Variants in MIER3 observed in about 807,000 individuals in gnomAD.
MIER3 encodes the protein mesoderm induction early response protein 3.
MIER3 carries 9 observed loss-of-function variants against 63.2 expected under a neutral mutation model. That is an observed-to-expected ratio of 0.14 (90% CI 0.09 to 0.25). The LOEUF is 0.25. Ranked by LOEUF, MIER3 falls within the 10% of genes least tolerant of loss-of-function variation. The pLI, the probability that MIER3 is intolerant of heterozygous loss-of-function variation, is 1.00. For synonymous variants in MIER3, 205 were observed against 224.9 expected, an observed-to-expected ratio of 0.91 and a Z score of 0.79; for missense variants, 512 against 666.2, an observed-to-expected ratio of 0.77 and a Z score of 2.55.
chr5:56,946,647 A>T (rs948897508), intron 3 of MIER3, among the ~76,000 whole-genome samples: 1 of 152,080 alleles, frequency 6.6e-6, no homozygotes, highest in South Asian at 2.1e-4. Context: ...TTCAGAAATA[A>T]TCTTAGGGCT....
Position 56,925,740 on chromosome 5 carries a change from A to G in MIER3, c.925-1698T>C, listed in dbSNP as rs554266888. Among the ~76,000 whole-genome samples the G allele has an allele frequency of 2.0e-5, 3 of 152,268 alleles. No individual in the cohort carries two copies. The East Asian group carries it at 5.8e-4, about 29-fold the overall frequency. ...AATCCCAGCAAGTTATTTTGTGGGT[A>G]TCAACAAACTAATTTTATATGGAAA... On this transcript the variant is annotated intron_variant, in intron 10 of 12. Transcript: ENST00000381199.
chr5:56,928,853 T>A lies in MIER3; in HGVS notation c.838A>T (p.Thr280Ser), dbSNP rs1750129828. 2 of 1,609,692 alleles carry A rather than the reference T, an allele frequency of 1.2e-6. No homozygotes were observed. Among genetic ancestry groups the A allele is most frequent in the Non-Finnish European group, 1.7e-6 (2 of 1,178,752 alleles). Reference protein sequence around the residue: ...CNGKASQEGMTAWTEEECRSF... With the variant: ...CNGKASQEGMSAWTEEECRSF... ...CGGCATTCTTCTTCCGTCCATGCAG[T>A]CATTCCTTCTAAGAAAAATTTTAAA... Residue 280 changes from threonine (T) to serine (S), a missense_variant, in exon 10 of 13, where the codon ACT (threonine) becomes TCT (serine). This residue lies in a region of MIER3 where 118 missense variants were observed against 133.6 expected (regional missense o/e 0.88). Transcript: ENST00000381199.
intron 9 of MIER3, 93 bp downstream of exon 9, chr5:56,930,571 A>G: frequency 1.0e-6 from 1 of 994,042 alleles, no homozygotes; most frequent in Non-Finnish European, 1.6e-6. Context: ...AAAGTGTTAC[A>G]GGATTGCTCT....
chr5:56,935,996 G>A (rs1450137198), intron 5 of MIER3, among the ~76,000 whole-genome samples: 1 of 152,156 alleles, frequency 6.6e-6, no homozygotes, highest in Non-Finnish European at 1.5e-5. Context: ...GGAGGCTGAG[G>A]TGGGTGGATC....
intron 3 of MIER3, among the ~76,000 whole-genome samples, chr5:56,944,389 G>A (rs771713420): frequency 2.0e-5 from 3 of 152,150 alleles, no homozygotes; most frequent in Non-Finnish European, 1.5e-5. Context: ...GCTGAGGCAG[G>A]AGAATGGCGT....
At chr5:56,934,032 A>C (rs1438742557) in intron 7 of MIER3, among the ~76,000 whole-genome samples, 1 of 152,164 alleles carries the variant, frequency 6.6e-6, no homozygotes, top group East Asian at 1.9e-4. Context: ...TCATTAAAAC[A>C]AGTTTATGTT....
chr5:56,945,430 T>C (rs972139991), intron 3 of MIER3, among the ~76,000 whole-genome samples: 9 of 152,072 alleles, frequency 5.9e-5, no homozygotes, highest in Non-Finnish European at 1.0e-4. Context: ...GCCACTGCAC[T>C]CCAGCCTGCG....
upstream of MIER3, chr5:56,952,127 C>T (rs2112165638): frequency 1.6e-6 from 2 of 1,253,770 alleles, no homozygotes; most frequent in East Asian, 3.9e-5. Context: ...GGCGAACGAG[C>T]AGCGCCGAGC....
At chr5:56,940,149 G>A (rs1485121649) in intron 3 of MIER3, among the ~76,000 whole-genome samples, 2 of 152,220 alleles carry the variant, frequency 1.3e-5, no homozygotes, top group African/African-American at 4.8e-5. Flanking sequence ...GGCCAACATG[G>A]TGAAACCCCG....
At chr5:56,925,259 T>G (rs1232482456) in intron 10 of MIER3, 1 of 432,456 alleles carries the variant, frequency 2.3e-6, no homozygotes, top group Non-Finnish European at 4.6e-6. Flanking sequence ...GTCTAGCTAA[T>G]GCAGTAAGAC....
At chr5:56,924,642 G>A (rs530094475) in intron 10 of MIER3, among the ~76,000 whole-genome samples, 3 of 152,222 alleles carry the variant, frequency 2.0e-5, no homozygotes, top group Non-Finnish European at 2.9e-5. Context: ...AGTATGTTTG[G>A]TTTTTAGATC....
In MIER3 at chr5:56,922,535, G is replaced by A. The variant is rs1404690170; in HGVS notation, c.*593C>T. 1 of 153,344 alleles carries A rather than the reference G, an allele frequency of 6.5e-6. No homozygotes were observed. The highest frequency in any genetic ancestry group is 1.5e-5 in the Non-Finnish European group (1 of 68,592). 9.5% of individuals were successfully genotyped at this position (153,344 alleles called of 1,614,324 possible). Reference sequence around the variant, plus strand: ...TTTTGTAAACTGAAGTGCTCTAGTTGAATAACATGAGAGAAGTTTCCATTT... The same window carrying A: ...TTTTGTAAACTGAAGTGCTCTAGTTAAATAACATGAGAGAAGTTTCCATTT... On this transcript the variant is annotated 3_prime_UTR_variant, in exon 13 of 13. Coordinates refer to ENST00000381199, the MANE Select transcript of MIER3 (RefSeq NM_001297599.2).
chr5:56,934,892 A>G (rs886894709), intron 7 of MIER3, among the ~76,000 whole-genome samples: 1 of 152,214 alleles, frequency 6.6e-6, no homozygotes, highest in Non-Finnish European at 1.5e-5. Context: ...TCCCCTCCAT[A>G]TTTTGAAAAC....
intron 3 of MIER3, among the ~76,000 whole-genome samples, chr5:56,944,921 T>TCC (rs56891541): frequency 0.3 from 46,163 of 151,692 alleles, 7,461 homozygotes; most frequent in East Asian, 0.54. Context: ...GGTCTCAGAC[T>TCC]CCTGGGCTCA....
At chr5:56,936,175 C>A (rs1750439225) in intron 5 of MIER3, among the ~76,000 whole-genome samples, 1 of 151,836 alleles carries the variant, frequency 6.6e-6, no homozygotes, top group Non-Finnish European at 1.5e-5. Flanking sequence ...CAAGATCACG[C>A]CATTGCACTC....
intron 3 of MIER3, among the ~76,000 whole-genome samples, chr5:56,942,976 T>C (rs1414034271): frequency 2.0e-5 from 3 of 151,772 alleles, no homozygotes. Context: ...CCCTTCTCTA[T>C]AAAAAAAATT....
intron 1 of MIER3, 34 bp from the exon 2 acceptor site, chr5:56,950,686 C>T (rs1245981530): frequency 1.2e-6 from 2 of 1,611,658 alleles, no homozygotes; most frequent in African/African-American, 1.3e-5. Flanking sequence ...GAGGTTAGAT[C>T]GCACAGCCAG....
chr5:56,932,538 A>G (rs1160792074), intron 8 of MIER3, among the ~76,000 whole-genome samples: 1 of 152,172 alleles, frequency 6.6e-6, no homozygotes, highest in Non-Finnish European at 1.5e-5. Flanking sequence ...ACCTCTGAAT[A>G]CTTATTAGTC....
At chr5:56,948,673 A>G (rs1750911952) in intron 2 of MIER3, among the ~76,000 whole-genome samples, 1 of 152,188 alleles carries the variant, frequency 6.6e-6, no homozygotes, top group Non-Finnish European at 1.5e-5. Context: ...CATCTCAAAA[A>G]ACAAAAAAAC....
Sources: allele counts gnomAD v4.1 joint callset (sites outside exome capture counted in the v4.1 genomes callset), GRCh38; gene constraint gnomAD v4.1.1; regional missense constraint gnomAD v4.1.1; transcripts MANE v1.5; gene names NCBI Gene and HGNC (gene_info 2026-07-23, HGNC 2026-07-21).